Variants in PRKG1 observed in about 807,000 individuals in gnomAD.
PRKG1 encodes protein kinase cGMP-dependent 1, also known as cGMP-dependent protein kinase 1.
In PRKG1, 35 loss-of-function variants were observed where a neutral mutation model predicts 88.1. The observed-to-expected ratio is 0.40, with a 90% CI of 0.30 to 0.53. PRKG1 has a LOEUF of 0.53. Among genes scored for constraint, PRKG1 ranks in the 20% least tolerant of loss-of-function variants. The pLI is 0.59. For missense variants in PRKG1, 540 were observed against 839.8 expected (o/e 0.64, Z 4.41); for synonymous variants, 303 against 292.5 (o/e 1.04, Z -0.37).
intron 2 of PRKG1, among the ~76,000 whole-genome samples, chr10:51,190,468 T>C (rs1837603505): frequency 6.6e-6 from 1 of 151,736 alleles, no homozygotes; most frequent in Non-Finnish European, 1.5e-5. Context: ...GCAAACATAG[T>C]ATGGACTAAA....
chr10:51,307,939 G>T (rs1016175880), intron 2 of PRKG1, among the ~76,000 whole-genome samples: 1 of 152,056 alleles, frequency 6.6e-6, no homozygotes, highest in African/African-American at 2.4e-5. Context: ...CAAAATTCAG[G>T]TATTCAGTAA....
intron 2 of PRKG1, among the ~76,000 whole-genome samples, chr10:51,224,319 T>G (rs1367555383): frequency 6.6e-6 from 1 of 152,240 alleles, no homozygotes; most frequent in Non-Finnish European, 1.5e-5. Flanking sequence ...TTCAAGGGCC[T>G]GAGTGCCAGG....
intron 7 of PRKG1, among the ~76,000 whole-genome samples, chr10:52,087,568 C>G (rs1367033776): frequency 6.6e-6 from 1 of 152,060 alleles, no homozygotes; most frequent in East Asian, 1.9e-4. Flanking sequence ...AAGTCATAGT[C>G]AGAAAACCTT....
chr10:51,240,373 A>G (rs1292007651), intron 2 of PRKG1, among the ~76,000 whole-genome samples: 2 of 152,114 alleles, frequency 1.3e-5, no homozygotes, highest in Non-Finnish European at 1.5e-5. Flanking sequence ...GCTCTTTCTT[A>G]CCAATTTTGC....
chr10:51,982,355 G>A (rs987588273), intron 5 of PRKG1, among the ~76,000 whole-genome samples: 2 of 152,154 alleles, frequency 1.3e-5, no homozygotes, highest in Non-Finnish European at 1.5e-5. Flanking sequence ...TTGCCGGAGG[G>A]GTAGCGCAGT....
chr10:51,598,526 G>A (rs772492617), intron 3 of PRKG1, among the ~76,000 whole-genome samples: 27 of 152,292 alleles, frequency 1.8e-4, no homozygotes, highest in Non-Finnish European at 3.1e-4. Context: ...CTAGAGTGCT[G>A]GAATTATAGG....
chr10:51,450,800 G>A (rs1338231836), intron 2 of PRKG1, among the ~76,000 whole-genome samples: 1 of 151,546 alleles, frequency 6.6e-6, no homozygotes, highest in African/African-American at 2.4e-5. Context: ...GAGAAGGAAG[G>A]CTGGAACTTG....
chr10:51,655,499 CT>C (rs1840139954), intron 3 of PRKG1, among the ~76,000 whole-genome samples: 1 of 151,914 alleles, frequency 6.6e-6, no homozygotes. Flanking sequence ...CATTTAGAAT[CT>C]TTATTTCAAA....
chr10:51,667,043 C>T (rs576747157), intron 3 of PRKG1, among the ~76,000 whole-genome samples: 99 of 152,168 alleles, frequency 6.5e-4, no homozygotes, highest in Non-Finnish European at 9.3e-4. Flanking sequence ...CTCAAGTGAT[C>T]CACCTGCCTC....
chr10:51,820,096 C>T (rs547104449), intron 4 of PRKG1, among the ~76,000 whole-genome samples: 1 of 152,188 alleles, frequency 6.6e-6, no homozygotes, highest in Admixed American at 6.5e-5. Flanking sequence ...ATTGCAGTCA[C>T]CTTCCAAAAA....
intron 2 of PRKG1, among the ~76,000 whole-genome samples, chr10:51,291,834 C>G (rs1251143001): frequency 2.0e-5 from 3 of 152,032 alleles, no homozygotes; most frequent in Non-Finnish European, 2.9e-5. Context: ...TATTATTTTT[C>G]TTACTCTTAT....
intron 7 of PRKG1, chr10:52,063,002 G>T (rs181261870): frequency 1.8e-6 from 1 of 545,756 alleles, no homozygotes; most frequent in Non-Finnish European, 3.3e-6. Flanking sequence ...CCCTAAACCT[G>T]TTTGTACAAA....
At chr10:52,038,363 G>A (rs899329109) in intron 5 of PRKG1, among the ~76,000 whole-genome samples, 1 of 151,588 alleles carries the variant, frequency 6.6e-6, no homozygotes, top group Non-Finnish European at 1.5e-5. Context: ...AGAGGTCGGG[G>A]CATGGAAATA....
At chr10:51,068,824 T>C (rs982415622) in intron 1 of PRKG1, among the ~76,000 whole-genome samples, 1 of 152,054 alleles carries the variant, frequency 6.6e-6, no homozygotes, top group Non-Finnish European at 1.5e-5. Context: ...CATACAGGTA[T>C]GTTGCATGCT....
At chr10:51,571,251 T>C (rs1837744458) in intron 3 of PRKG1, among the ~76,000 whole-genome samples, 1 of 151,954 alleles carries the variant, frequency 6.6e-6, no homozygotes, top group African/African-American at 2.4e-5. Context: ...ATCATTATTA[T>C]AATTCTCATT....
At chr10:51,754,942 T>C (rs2132515814) in intron 3 of PRKG1, among the ~76,000 whole-genome samples, 1 of 151,012 alleles carries the variant, frequency 6.6e-6, no homozygotes, top group South Asian at 2.1e-4. Context: ...CACTGTCAAC[T>C]ATGAGGCAAT....
At position 51,855,963 on chromosome 10, in the gene PRKG1, C is replaced by T. The variant is rs1432296175; in HGVS notation, c.698+51273C>T. The stretch of plus-strand genomic sequence containing the variant: ...CATAAAGTGCTAAAAATAAAGGTTC[C>T]AGCTGGGATGGTTCCTTCCAGAGAC... On this transcript the variant is annotated intron_variant, in intron 4 of 17. Coordinates refer to ENST00000373980, the MANE Select transcript of PRKG1 (RefSeq NM_006258.4). Among the ~76,000 whole-genome samples the T allele has an allele frequency of 2.0e-5, 3 of 152,202 alleles. No individual in the cohort carries two copies. In the Middle Eastern group the frequency reaches 0.01, roughly 518 times the overall value.
intron 2 of PRKG1, among the ~76,000 whole-genome samples, chr10:51,356,807 C>T (rs1021379461): frequency 6.6e-6 from 1 of 151,978 alleles, no homozygotes; most frequent in African/African-American, 2.4e-5. Flanking sequence ...TCTAGCCAGC[C>T]ATGGGCAATT....
intron 2 of PRKG1, among the ~76,000 whole-genome samples, chr10:51,437,148 T>G (rs1393097557): frequency 1.3e-5 from 2 of 152,116 alleles, no homozygotes; most frequent in Admixed American, 1.3e-4. Flanking sequence ...GAGAGATAAT[T>G]TTTCCCATGG....
Sources: allele counts gnomAD v4.1 joint callset (sites outside exome capture counted in the v4.1 genomes callset), GRCh38; gene constraint gnomAD v4.1.1; transcripts MANE v1.5; gene names NCBI Gene and HGNC (gene_info 2026-07-23, HGNC 2026-07-21).